Variants in HAUS7 observed in about 807,000 individuals in gnomAD.
HAUS7 encodes the protein HAUS augmin like complex subunit 7.
HAUS7 carries 3 observed loss-of-function variants against 28.4 expected under a neutral mutation model. The observed-to-expected ratio is 0.11, with a 90% CI of 0.05 to 0.27. The LOEUF (loss-of-function observed/expected upper bound fraction) is 0.27. Ranked by LOEUF, HAUS7 falls within the 10% of genes least tolerant of loss-of-function variation. The probability of loss-of-function intolerance (pLI) is 1.00; values close to 1 mark genes in which losing one functional copy is unlikely to be tolerated. For missense variants in HAUS7, 284 were observed against 297.3 expected (o/e 0.96, Z 0.33); for synonymous variants, 165 against 132.1 (o/e 1.25, Z -1.71).
Position 153,448,185 on chromosome X carries a change from C to T in HAUS7, c.1046-276G>A, listed in dbSNP as rs782599963. Among the ~76,000 whole-genome samples, 27 of 110,642 alleles carry T rather than the reference C, an allele frequency of 2.4e-4. No homozygotes were observed. The South Asian group carries it at 9.6e-3, about 39-fold the overall frequency. ...TAGACTGGATTAAGAAAATATGGCA[C>T]ATATACACCATGGAATACTACGCGG... On this transcript the variant is annotated intron_variant, in intron 9 of 9. Transcript: ENST00000370211.
rs1462984376 is a variant in HAUS7, at chrX:153,494,738, G to C, written c.-589+636C>G. Among the ~76,000 whole-genome samples, 4 of 88,894 alleles carry C rather than the reference G, an allele frequency of 4.5e-5. No individual in the cohort carries two copies. The Admixed American group carries it at 4.7e-4, about 10-fold the overall frequency. The allele number at this position is 88,894 out of a possible 115,157, so 77.2% of individuals were successfully genotyped here. On this transcript the variant is annotated intron_variant, in intron 1 of 5. Transcript: ENST00000370210. ...CCTTTGCTGTCTGCCCCAGGCGGGG[G>C]AGGGGGGGGGAGGTGGTGGGGGCGA... is the stretch of plus-strand genomic sequence containing the variant.
chrX:153,480,091 C>T (rs1242212607), intron 1 of HAUS7, among the ~76,000 whole-genome samples: 4 of 111,933 alleles, frequency 3.6e-5, no homozygotes, highest in African/African-American at 1.3e-4. Flanking sequence ...CTAGGAAGCA[C>T]GTGTGAAGTC....
upstream of HAUS7, chrX:153,471,130 C>T: frequency 3.6e-6 from 1 of 277,524 alleles, no homozygotes; most frequent in Middle Eastern, 4.9e-4. Context: ...TCCGTCTTCT[C>T]TTCACCATGC....
At chrX:153,481,980 G>C in intron 1 of HAUS7, 1 of 637,839 alleles carries the variant, frequency 1.6e-6, no homozygotes, top group Non-Finnish European at 1.9e-6. Context: ...GCTGGGGCTG[G>C]CAGGTCCCAG....
chrX:153,476,098 A>G (rs1454589275), intron 1 of HAUS7, among the ~76,000 whole-genome samples: 4 of 111,893 alleles, frequency 3.6e-5, no homozygotes, highest in African/African-American at 1.3e-4. Flanking sequence ...GATTCTTTCA[A>G]GGACAAAGGC....
intron 9 of HAUS7, among the ~76,000 whole-genome samples, chrX:153,451,047 G>A (rs963548302): frequency 8.9e-6 from 1 of 112,289 alleles, no homozygotes; most frequent in African/African-American, 3.2e-5. Flanking sequence ...AGAGGCCGAT[G>A]CCCGCCGTAG....
At chrX:153,450,307 G>C in intron 9 of HAUS7, among the ~76,000 whole-genome samples, 1 of 112,675 alleles carries the variant, frequency 8.9e-6, no homozygotes. Flanking sequence ...CGGGCCACCA[G>C]CTTGGGAGCT....
rs2089594516 is a variant in HAUS7 at position 153,480,723 on chromosome X, C to T, written c.-588-9578G>A. On this transcript the variant is annotated intron_variant, in intron 1 of 5. Coordinates refer to the HAUS7 transcript ENST00000370210. The stretch of plus-strand genomic sequence containing the variant: ...CCCCTCCACTGGCTGGAAAGCGCTT[C>T]CCAGGCCAGGGCTGGCCCTGAGGAA... The T allele has an allele frequency of 1.1e-5, 8 of 753,768 alleles. 1 individual carries two copies. The South Asian group carries it at 5.4e-4, about 51-fold the overall frequency. 62.1% of individuals were successfully genotyped at this position (753,768 alleles called of 1,213,427 possible).
chrX:153,456,827 C>G (rs187224042), intron 5 of HAUS7, 176 bp from the exon 6 acceptor site: 11 of 451,354 alleles, frequency 2.4e-5, no homozygotes, highest in Non-Finnish European at 3.8e-5. Context: ...CATTTTTGCC[C>G]GCCTACCTAC....
At chrX:153,470,092 G>A (rs1011139322) in intron 1 of HAUS7, among the ~76,000 whole-genome samples, 26 of 112,555 alleles carry the variant, frequency 2.3e-4, no homozygotes, top group African/African-American at 7.7e-4. Context: ...TGACAGAGTG[G>A]CACGAGGCTC....
intron 1 of HAUS7, among the ~76,000 whole-genome samples, chrX:153,485,066 C>A (rs1172121283): frequency 8.9e-6 from 1 of 112,750 alleles, no homozygotes; most frequent in Non-Finnish European, 1.9e-5. Context: ...GGGCTTCCTG[C>A]TGCTGGGGTC....
chrX:153,493,733 G>A (rs782123976), intron 1 of HAUS7, among the ~76,000 whole-genome samples: 2 of 111,232 alleles, frequency 1.8e-5, no homozygotes, highest in Admixed American at 1.9e-4. Context: ...GAACAGGAAG[G>A]GGGTCTGTGC....
intron 1 of HAUS7, chrX:153,483,564 GC>G (rs2089615289): frequency 5.0e-6 from 3 of 601,725 alleles, no homozygotes; most frequent in Non-Finnish European, 6.0e-6. Context: ...GAGCCACGGA[GC>G]CCCAGAGAGG....
chrX:153,470,640 C>A, upstream of HAUS7: 1 of 1,127,698 alleles, frequency 8.9e-7, no homozygotes, highest in African/African-American at 1.8e-5. Flanking sequence ...GCGTTCTTCC[C>A]GCCCACCCGC....
chrX:153,456,195 C>G lies in HAUS7; in HGVS notation c.705+70G>C, dbSNP rs1484139396. 11 of 828,455 alleles carry G rather than the reference C, an allele frequency of 1.3e-5. No individual in the cohort carries two copies. In the Admixed American group the frequency reaches 2.5e-4, roughly 19 times the overall value. The allele number at this position is 828,455 out of a possible 1,213,427, so 68.3% of individuals were successfully genotyped here. ...CACAGGCAACCTCGCCTAAGCCTCA[C>G]GTGCTGAGGGAGGTGACAAAGCAGG... On this transcript the variant is annotated intron_variant, in intron 7 of 9. Coordinates refer to ENST00000370211, the MANE Select transcript of HAUS7 (RefSeq NM_001385482.1).
At chrX:153,466,965 T>C (rs181286690) in intron 2 of HAUS7, among the ~76,000 whole-genome samples, 1 of 112,145 alleles carries the variant, frequency 8.9e-6, no homozygotes, top group Non-Finnish European at 1.9e-5. Context: ...CCAGACATTT[T>C]GGATATGGGA....
intron 4 of HAUS7, chrX:153,461,822 G>C (rs187036066): frequency 3.4e-6 from 1 of 290,193 alleles, no homozygotes; most frequent in African/African-American, 2.8e-5. Flanking sequence ...CTGGAAAACA[G>C]TTTGGGGGCT....
At chrX:153,470,919 G>C (rs1279141126), upstream of HAUS7, 1 of 343,145 alleles carries the variant, frequency 2.9e-6, no homozygotes, top group Admixed American at 3.1e-5. Flanking sequence ...TGAGTCGCAG[G>C]CCTTGCTGGC....
intron 1 of HAUS7, chrX:153,486,785 A>G: frequency 1.0e-6 from 1 of 982,732 alleles, no homozygotes; most frequent in Non-Finnish European, 1.3e-6. Flanking sequence ...CTCCAGCCCC[A>G]GCGGCGGGGG....
Sources: allele counts gnomAD v4.1 joint callset (sites outside exome capture counted in the v4.1 genomes callset), GRCh38; gene constraint gnomAD v4.1.1; transcripts MANE v1.5; gene names NCBI Gene and HGNC (gene_info 2026-07-23, HGNC 2026-07-21).